SVIL: variants seen among roughly 807,000 people sequenced by gnomAD.
The protein encoded by SVIL is supervillin, also known as archvillin.
A neutral mutation model predicts 240.4 loss-of-function variants in SVIL; 101 were observed. That is an observed-to-expected ratio of 0.42 (90% CI 0.36 to 0.50). The LOEUF is 0.50. SVIL is among the 20% of genes least tolerant of loss of function. SVIL has a pLI of 0.01. For synonymous variants in SVIL, 999 were observed against 1,100.0 expected (o/e 0.91, Z 1.82); for missense variants, 2,512 against 2,818.7 (o/e 0.89, Z 2.46).
chr10:29,482,417 T>A (rs1946986017), intron 27 of SVIL, among the ~76,000 whole-genome samples: 1 of 152,114 alleles, frequency 6.6e-6, no homozygotes, highest in Non-Finnish European at 1.5e-5. Flanking sequence ...CTTGTCTACT[T>A]TAGCCGCCCA....
At chr10:29,562,097 T>C (rs1045815170) in intron 3 of SVIL, among the ~76,000 whole-genome samples, 3 of 152,248 alleles carry the variant, frequency 2.0e-5, no homozygotes, top group African/African-American at 2.4e-5. Context: ...TCTAATTTCT[T>C]TGGGGCATGA....
At chr10:29,644,371 AG>A (rs996876742) in intron 3 of SVIL, among the ~76,000 whole-genome samples, 7 of 152,182 alleles carry the variant, frequency 4.6e-5, no homozygotes, top group African/African-American at 1.7e-4. Context: ...CACAGGAGCG[AG>A]GAGCCTTCTC....
intron 2 of SVIL, among the ~76,000 whole-genome samples, chr10:29,666,995 C>T (rs1959354224): frequency 6.7e-6 from 1 of 150,224 alleles, no homozygotes; most frequent in African/African-American, 2.4e-5. Context: ...CTTGAAGGCT[C>T]TGAAGGAGGT....
chr10:29,465,931 G>T (rs1944856489), intron 33 of SVIL, among the ~76,000 whole-genome samples, 181 bp from the exon 34 acceptor site: 1 of 151,394 alleles, frequency 6.6e-6, no homozygotes, highest in African/African-American at 2.4e-5. Context: ...AATCAAAAGG[G>T]AAAATAATGC....
chr10:29,489,735 A>G lies in SVIL; in HGVS notation c.4193-979T>C, dbSNP rs112186188. The stretch of plus-strand genomic sequence containing the variant: ...GCTAATTTTTTCATTTTTTGTAGAG[A>G]TGAAGTCTTGCTATGTTTCCCAGGC... On this transcript the variant is annotated intron_variant, in intron 22 of 37. Transcript: ENST00000355867. Among the ~76,000 whole-genome samples the G allele has an allele frequency of 3.5e-3, 529 of 152,034 alleles. 7 individuals carry two copies. Among genetic ancestry groups the G allele is most frequent in the Non-Finnish European group, 3.9e-3 (266 of 67,952 alleles).
chr10:29,626,492 C>G (rs1314198908), intron 1 of SVIL, among the ~76,000 whole-genome samples: 1 of 152,148 alleles, frequency 6.6e-6, no homozygotes, highest in Non-Finnish European at 1.5e-5. Flanking sequence ...CTAATAAACT[C>G]AAAGGGAAAC....
intron 1 of SVIL, among the ~76,000 whole-genome samples, chr10:29,605,309 A>G (rs1956979004): frequency 6.6e-6 from 1 of 152,226 alleles, no homozygotes. Flanking sequence ...TGTATCTGAA[A>G]GAACTCTGAC....
upstream of SVIL, among the ~76,000 whole-genome samples, chr10:29,638,881 T>G (rs1958393714): frequency 6.6e-6 from 1 of 152,200 alleles, no homozygotes; most frequent in Non-Finnish European, 1.5e-5. Flanking sequence ...ATTATTAATT[T>G]TTAAAACCTG....
At chr10:29,628,640 T>G (rs1957966830) in intron 1 of SVIL, among the ~76,000 whole-genome samples, 1 of 152,202 alleles carries the variant, frequency 6.6e-6, no homozygotes, top group South Asian at 2.1e-4. Context: ...TGTTCTTTTC[T>G]ATTGATAGCA....
chr10:29,506,655 CTG>C (rs1564534769), intron 17 of SVIL, among the ~76,000 whole-genome samples: 14 of 146,544 alleles, frequency 9.6e-5, no homozygotes, highest in African/African-American at 3.7e-4. Context: ...GACAGAGGCC[CTG>C]GAGGGAGGGG....
intron 2 of SVIL, among the ~76,000 whole-genome samples, chr10:29,568,551 T>A (rs1955176020): frequency 6.6e-6 from 1 of 152,196 alleles, no homozygotes; most frequent in East Asian, 1.9e-4. Context: ...TCAAACTCTA[T>A]TAATATAGAC....
chr10:29,523,740 AC>A lies in SVIL; in HGVS notation c.2873del (p.Gly958ValfsTer22). Reference sequence around the variant, plus strand: ...CATACTTCTCCATCCCACTGTCTCGACCTGTCAAAGCTCTCTTGCTTTCTGT... The same window carrying A: ...CATACTTCTCCATCCCACTGTCTCGACTGTCAAAGCTCTCTTGCTTTCTGT... ...GETESKRALTGRDSGMEKYGS... is the reference protein window; with the variant it reads ...GETESKRALTXRDSGMEKYGS... On this transcript the variant is annotated frameshift_variant, in exon 15 of 38. Coordinates refer to ENST00000355867, the MANE Select transcript of SVIL (RefSeq NM_021738.3). LOFTEE classifies it high-confidence loss of function. 6.2e-7 allele frequency: 1 copy of A among 1,614,080 alleles called. No homozygotes were observed. The highest frequency in any genetic ancestry group is 8.5e-7 in the Non-Finnish European group (1 of 1,180,012).
At chr10:29,565,558 T>A (rs1365805806) in intron 2 of SVIL, among the ~76,000 whole-genome samples, 1 of 152,140 alleles carries the variant, frequency 6.6e-6, no homozygotes, top group African/African-American at 2.4e-5. Flanking sequence ...AGTTGACTGG[T>A]CATGTCCTCA....
intron 22 of SVIL, among the ~76,000 whole-genome samples, chr10:29,489,256 T>C (rs2132391703): frequency 6.6e-6 from 1 of 152,354 alleles, no homozygotes; most frequent in South Asian, 2.1e-4. Context: ...AGATGATATC[T>C]TGAGATCTTC....
chr10:29,546,495 A>G (rs1952701278), intron 6 of SVIL, among the ~76,000 whole-genome samples: 1 of 152,226 alleles, frequency 6.6e-6, no homozygotes, highest in Non-Finnish European at 1.5e-5. Flanking sequence ...TATCATATAA[A>G]CTGAATACTA....
At chr10:29,459,182 T>C (rs1481117103) in intron 36 of SVIL, among the ~76,000 whole-genome samples, 1 of 152,084 alleles carries the variant, frequency 6.6e-6, no homozygotes, top group Non-Finnish European at 1.5e-5. Context: ...CAATCATAGC[T>C]CTCTGCAGCC....
At chr10:29,628,340 T>G (rs1199689711) in intron 1 of SVIL, among the ~76,000 whole-genome samples, 1 of 152,216 alleles carries the variant, frequency 6.6e-6, no homozygotes, top group Non-Finnish European at 1.5e-5. Flanking sequence ...AATTTTTGGC[T>G]GAGATAAATT....
Position 29,506,594 on chromosome 10 carries a change from G to A in SVIL, c.3516+6141C>T, listed in dbSNP as rs376437121. Among the ~76,000 whole-genome samples the A allele has an allele frequency of 3.3e-5, 5 of 152,210 alleles. No individual in the cohort carries two copies. In the East Asian group the frequency reaches 7.7e-4, roughly 24 times the overall value. On this transcript the variant is annotated intron_variant, in intron 17 of 37. Coordinates refer to ENST00000355867, the MANE Select transcript of SVIL (RefSeq NM_021738.3). ...TGAGAGCTAAGAAAGCCCCAGTCCTGCTGGGGAGACAAGGCCCTAGAGGGA... is the reference window on the plus strand; with the variant it reads ...TGAGAGCTAAGAAAGCCCCAGTCCTACTGGGGAGACAAGGCCCTAGAGGGA...
In SVIL at chr10:29,524,763, A is replaced by G. The variant is rs1482566276; in HGVS notation, c.2343-48T>C. ...AACACATATACCAACAAACAAAAGC[A>G]CACCGCTAAGTTTCTACGTTAACTT... On this transcript the variant is annotated intron_variant, in intron 13 of 37. Coordinates refer to ENST00000355867, the MANE Select transcript of SVIL (RefSeq NM_021738.3). 5 of 1,603,780 alleles carry G rather than the reference A, an allele frequency of 3.1e-6. No homozygotes were observed. The African/African-American group carries it at 5.4e-5, about 17-fold the overall frequency.
Sources: gnomAD v4.1 joint callset for allele counts (sites outside exome capture counted in the v4.1 genomes callset) on GRCh38, gnomAD v4.1.1 for gene constraint, MANE v1.5 for transcripts, NCBI Gene and HGNC (gene_info 2026-07-23, HGNC 2026-07-21) for gene names.